PRDM4: variants seen among roughly 807,000 people sequenced by gnomAD.
The protein encoded by PRDM4 is PR/SET domain 4.
Under a neutral mutation model 62.3 loss-of-function variants are expected in PRDM4, and 38 were observed. The observed-to-expected ratio is 0.61, with a 90% CI of 0.47 to 0.80. The LOEUF (loss-of-function observed/expected upper bound fraction) is 0.80, where lower values mean the gene tolerates loss of function less well. Among genes scored for constraint, PRDM4 ranks in the 30% least tolerant of loss-of-function variants. The pLI is 0.00. For synonymous variants in PRDM4, 339 were observed against 348.2 expected, an observed-to-expected ratio of 0.97 and a Z score of 0.30; for missense variants, 858 against 997.1, an observed-to-expected ratio of 0.86 and a Z score of 1.88.
At chr12:107,741,378 C>A (rs1287235003) in intron 9 of PRDM4, 118 bp from the exon 10 acceptor site, 1 of 953,196 alleles carries the variant, frequency 1.0e-6, no homozygotes, top group Non-Finnish European at 1.5e-6. Context: ...TTGCCCACTT[C>A]CTATAAAACT....
chr12:107,739,828 A>G (rs1239469405), intron 10 of PRDM4, among the ~76,000 whole-genome samples: 1 of 152,044 alleles, frequency 6.6e-6, no homozygotes. Flanking sequence ...AAAACTTGAA[A>G]AAAATGACTT....
intron 5 of PRDM4, among the ~76,000 whole-genome samples, chr12:107,749,229 A>G (rs1029804274): frequency 1.3e-5 from 2 of 152,120 alleles, no homozygotes; most frequent in African/African-American, 4.8e-5. Context: ...GATCTCTCTC[A>G]GGTCCACACA....
chr12:107,743,366 A>C, intron 7 of PRDM4, 84 bp from the exon 8 acceptor site: 6 of 936,814 alleles, frequency 6.4e-6, no homozygotes, highest in Non-Finnish European at 8.6e-6. Context: ...CAATCACCTC[A>C]TTTACTCATT....
chr12:107,739,305 C>T, intron 11 of PRDM4, 78 bp downstream of exon 11: 1 of 1,515,350 alleles, frequency 6.6e-7, no homozygotes, highest in Non-Finnish European at 9.0e-7. Flanking sequence ...CTCCCCAGCC[C>T]TTCAATCAGC....
At chr12:107,735,873 C>A (rs941397078) in intron 11 of PRDM4, among the ~76,000 whole-genome samples, 4 of 151,364 alleles carry the variant, frequency 2.6e-5, no homozygotes, top group Non-Finnish European at 4.4e-5. Flanking sequence ...TGCAGTCGGG[C>A]GTTCTGAAGC....
intron 11 of PRDM4, among the ~76,000 whole-genome samples, chr12:107,738,878 AACACACACACACACAC>A (rs111582421): frequency 6.8e-6 from 1 of 146,904 alleles, no homozygotes; most frequent in African/African-American, 2.5e-5. Flanking sequence ...AATTCAGACA[AACACACACACACACAC>A]ACACACACAC....
Position 107,760,631 on chromosome 12 carries a change from C to T in PRDM4, c.-116G>A, listed in dbSNP as rs967385972. 2 of 1,347,270 alleles carry T rather than the reference C, an allele frequency of 1.5e-6. No individual in the cohort carries two copies. The highest frequency in any genetic ancestry group is 1.4e-5 in the South Asian group (1 of 72,962). 83.5% of individuals were successfully genotyped at this position (1,347,270 alleles called of 1,614,324 possible). A position where few individuals can be genotyped will look rare whatever the true frequency, so the allele number is the denominator to read the frequency against. On this transcript the variant is annotated 5_prime_UTR_variant, in exon 2 of 12. Coordinates refer to ENST00000228437, the MANE Select transcript of PRDM4 (RefSeq NM_012406.4). ...CTTGCTCACAACCGCTGCACCGACG[C>T]GGCCACTCGTCCCCGGGGTCGCCCG...
At position 107,740,594 on chromosome 12, in the gene PRDM4, G is replaced by A. The variant is rs533677668; in HGVS notation, c.1924+352C>T. On this transcript the variant is annotated intron_variant, in intron 10 of 11. Transcript: ENST00000228437. ...AATAAACTGTGGCAATATTTATTGA[G>A]CAATAATATTAAAGGAGAGAAACTG... is the stretch of plus-strand genomic sequence containing the variant. Among the ~76,000 whole-genome samples the A allele has an allele frequency of 5.2e-4, 79 of 152,238 alleles. 1 individual carries two copies. The South Asian group carries it at 0.016, about 30-fold the overall frequency.
chr12:107,752,294 C>T (rs7302814), intron 4 of PRDM4, 85 bp from the exon 5 acceptor site: 655,938 of 989,488 alleles, frequency 0.66, 218,881 homozygotes, highest in East Asian at 0.71. Flanking sequence ...TCCTTACAAA[C>T]ATAACTAAGT....
intron 3 of PRDM4, among the ~76,000 whole-genome samples, chr12:107,755,954 C>T (rs1451939885): frequency 6.6e-6 from 1 of 152,138 alleles, no homozygotes; most frequent in Non-Finnish European, 1.5e-5. Context: ...AGCATGGTGG[C>T]GTGTGCCTGT....
At chr12:107,739,933 G>T (rs1210617561) in intron 10 of PRDM4, among the ~76,000 whole-genome samples, 1 of 149,688 alleles carries the variant, frequency 6.7e-6, no homozygotes, top group Non-Finnish European at 1.5e-5. Flanking sequence ...TTACAAGATA[G>T]ATTTTATAGT....
rs756902077 is a variant in PRDM4, at chr12:107,732,902, T to G, written c.*1308A>C. The stretch of plus-strand genomic sequence containing the variant: ...AAAAAAGTTTAATTTTAATCCTTCC[T>G]AGAGGAATACAGATTTGAATGAAAT... On this transcript the variant is annotated 3_prime_UTR_variant, in exon 12 of 12. Transcript: ENST00000228437. The G allele has an allele frequency of 6.6e-6, 1 of 152,652 alleles. No individual in the cohort carries two copies. The highest frequency in any genetic ancestry group is 6.5e-5 in the Admixed American group (1 of 15,276). The allele number at this position is 152,652 out of a possible 1,614,324, so 9.5% of individuals were successfully genotyped here.
intron 4 of PRDM4, 86 bp from the exon 5 acceptor site, chr12:107,752,295 ATAAC>A: frequency 1.1e-6 from 1 of 935,576 alleles, no homozygotes; most frequent in African/African-American, 1.7e-5. Context: ...CCTTACAAAC[ATAAC>A]TAAGTTCAAA....
Position 107,739,544 on chromosome 12 carries a change from C to A in PRDM4, c.1932G>T (p.Lys644Asn). Reference sequence around the variant, plus strand: ...TGTCACACAAGGTACACCTGTAGTTCTTCTGACCTGCAATCAGCCCAAAGT... The same window carrying A: ...TGTCACACAAGGTACACCTGTAGTTATTCTGACCTGCAATCAGCCCAAAGT... The part of the protein sequence containing the change: ...RTHLKIHTGQ[K>N]NYRCTLCDKS... The change falls in exon 11 of 12, where the codon AAG becomes AAT. Residue 644 changes from lysine (K) to asparagine (N), a missense_variant. This residue lies in a region of PRDM4 where 355 missense variants were observed against 432.6 expected (regional missense o/e 0.82). Transcript: ENST00000228437. 6.2e-7 allele frequency: 1 copy of A among 1,613,064 alleles called. No individual in the cohort carries two copies. The highest frequency in any genetic ancestry group is 1.1e-5 in the South Asian group (1 of 90,954).
intron 8 of PRDM4, 121 bp from the exon 9 acceptor site, chr12:107,742,469 G>A: frequency 8.5e-7 from 1 of 1,182,132 alleles, no homozygotes; most frequent in East Asian, 2.4e-5. Flanking sequence ...ATTTCCTCTG[G>A]AATGTTTTTG....
At position 107,760,647 on chromosome 12, in the gene PRDM4, G is replaced by T. The variant is rs1430060634; in HGVS notation, c.-132C>A. The T allele has an allele frequency of 2.5e-6, 3 of 1,182,448 alleles. No individual in the cohort carries two copies. Among genetic ancestry groups the T allele is most frequent in the Non-Finnish European group, 3.5e-6 (3 of 849,344 alleles). 73.2% of individuals were successfully genotyped at this position (1,182,448 alleles called of 1,614,324 possible). Reference sequence around the variant, plus strand: ...GCACCGACGCGGCCACTCGTCCCCGGGGTCGCCCGGGGCCGCCCAACTTCT... The same window carrying T: ...GCACCGACGCGGCCACTCGTCCCCGTGGTCGCCCGGGGCCGCCCAACTTCT... On this transcript the variant is annotated 5_prime_UTR_variant, in exon 2 of 12. Transcript: ENST00000228437.
At chr12:107,749,817 C>T (rs996517647) in intron 5 of PRDM4, among the ~76,000 whole-genome samples, 4 of 152,142 alleles carry the variant, frequency 2.6e-5, no homozygotes, top group African/African-American at 9.7e-5. Context: ...AACTCTTGAC[C>T]GGTCTTAAAA....
chr12:107,746,489 G>GTTT (rs373095125), intron 5 of PRDM4, 65 bp from the exon 6 acceptor site: 361 of 1,123,052 alleles, frequency 3.2e-4, no homozygotes, highest in African/African-American at 2.3e-3. Flanking sequence ...TACCACCACG[G>GTTT]TTTTTTTTTT....
In PRDM4 at chr12:107,734,151, C is replaced by A; in HGVS notation, c.*59G>T. The A allele has an allele frequency of 6.8e-7, 1 of 1,475,646 alleles. No individual in the cohort carries two copies. The highest frequency in any genetic ancestry group is 9.2e-7 in the Non-Finnish European group (1 of 1,092,788). The allele number at this position is 1,475,646 out of a possible 1,614,324, so 91.4% of individuals were successfully genotyped here. A position where few individuals can be genotyped will look rare whatever the true frequency, so the allele number is the denominator to read the frequency against. Reference sequence around the variant, plus strand: ...ATATAAAAACCATTATAGTAGATAACTGGTTATGTGTATTTTTCCATTTGC... The same window carrying A: ...ATATAAAAACCATTATAGTAGATAAATGGTTATGTGTATTTTTCCATTTGC... On this transcript the variant is annotated 3_prime_UTR_variant, in exon 12 of 12. Coordinates refer to ENST00000228437, the MANE Select transcript of PRDM4 (RefSeq NM_012406.4).
Sources: gnomAD v4.1 joint callset for allele counts (sites outside exome capture counted in the v4.1 genomes callset) on GRCh38, gnomAD v4.1.1 for gene constraint, gnomAD v4.1.1 regional missense constraint, MANE v1.5 for transcripts, NCBI Gene and HGNC (gene_info 2026-07-23, HGNC 2026-07-21) for gene names.